FEM1B: variants seen among roughly 807,000 people sequenced by gnomAD.
FEM1B encodes the protein fem-1 homolog B, also known as protein fem-1 homolog B.
A neutral mutation model predicts 38.6 loss-of-function variants in FEM1B; 10 were observed. The observed-to-expected ratio is 0.26, with a 90% CI of 0.16 to 0.44. The LOEUF is 0.44. FEM1B is among the 20% of genes least tolerant of loss of function. The pLI is 1.00. For synonymous variants in FEM1B, 288 were observed against 288.0 expected (o/e 1.00, Z 0.00); for missense variants, 471 against 786.7 (o/e 0.60, Z 4.80).
Position 68,278,314 on chromosome 15 carries a change from G to A in FEM1B, c.-104G>A. The stretch of plus-strand genomic sequence containing the variant: ...CGGCGGCGACGGCGCCCTGTTGAAT[G>A]GGCTGTGAGGGCCCAGGTTTAAAGC... On this transcript the variant is annotated 5_prime_UTR_variant, in exon 1 of 2. An upstream start codon of the reference 5' UTR is lost. Transcript: ENST00000306917. The surrounding 1 kb of genome is among the most constrained non-coding windows in gnomAD (Gnocchi z 5.7). The A allele has an allele frequency of 2.1e-6, 3 of 1,428,486 alleles. No individual in the cohort carries two copies. Among genetic ancestry groups the A allele is most frequent in the Non-Finnish European group, 2.8e-6 (3 of 1,071,384 alleles). 88.5% of individuals were successfully genotyped at this position (1,428,486 alleles called of 1,614,324 possible). A position where few individuals can be genotyped will look rare whatever the true frequency, so the allele number is the denominator to read the frequency against.
At chr15:68,287,776 G>A (rs1014483110) in intron 1 of FEM1B, among the ~76,000 whole-genome samples, 6 of 151,206 alleles carry the variant, frequency 4.0e-5, no homozygotes, top group African/African-American at 1.5e-4. Context: ...GGAATCCTGT[G>A]TCCTCACATG....
chr15:68,284,010 C>T lies in FEM1B; in HGVS notation c.248+5345C>T, dbSNP rs546071077. ...AAGCAATTCTTCTGCCTCAGCCTCC[C>T]GAGTAGCTGGGATTACAGACATGCG... On this transcript the variant is annotated intron_variant, in intron 1 of 1. Transcript: ENST00000306917. This position sits in a 1 kb window ranked among gnomAD's most constrained non-coding sequence, Gnocchi z 4.4. 2.0e-5 allele frequency among the ~76,000 whole-genome samples: 3 copies of T among 151,794 alleles called. No individual in the cohort carries two copies. Among genetic ancestry groups the T allele is most frequent in the Admixed American group, 6.6e-5 (1 of 15,240 alleles).
Position 68,291,029 on chromosome 15 carries a change from T to C in FEM1B, c.1671T>C (p.Ile557=), listed in dbSNP as rs1311891253. 4.3e-6 allele frequency: 7 copies of C among 1,613,952 alleles called. No individual in the cohort carries two copies. The highest frequency in any genetic ancestry group is 3.3e-5 in the South Asian group (3 of 91,088). Residue 557 remains isoleucine, a synonymous_variant, in exon 2 of 2, where the codon ATT becomes ATC. Coordinates refer to ENST00000306917, the MANE Select transcript of FEM1B (RefSeq NM_015322.5). The surrounding 1 kb of genome is among the most constrained non-coding windows in gnomAD (Gnocchi z 6.9). ...TTTTGACCTTGCACTCCATCATCAT[T>C]AGCCTAGTTGAAGCCGGAGCTCACA... ...SDFLTLHSII[I]SLVEAGAHTD... is the part of the protein sequence containing the mutation.
At position 68,278,342 on chromosome 15, in the gene FEM1B, T is replaced by G; in HGVS notation, c.-76T>G. 6.6e-7 allele frequency: 1 copy of G among 1,525,660 alleles called. No individual in the cohort carries two copies. The highest frequency in any genetic ancestry group is 8.8e-7 in the Non-Finnish European group (1 of 1,134,912). The allele number at this position is 1,525,660 out of a possible 1,614,324, so 94.5% of individuals were successfully genotyped here. On this transcript the variant is annotated 5_prime_UTR_variant, in exon 1 of 2. Transcript: ENST00000306917. This position sits in a 1 kb window ranked among gnomAD's most constrained non-coding sequence, Gnocchi z 5.7. ...CTGTGAGGGCCCAGGTTTAAAGCGC[T>G]GGCGAACGCGGCCTCCGGGGGCGCA...
At chr15:68,279,267 C>T (rs542152350) in intron 1 of FEM1B, among the ~76,000 whole-genome samples, 3 of 152,248 alleles carry the variant, frequency 2.0e-5, no homozygotes, top group Admixed American at 6.5e-5. Context: ...ATATTGGCTA[C>T]TAAGATGGCA....
chr15:68,278,378 A>C lies in FEM1B; in HGVS notation c.-40A>C, dbSNP rs1489008696. 1 of 1,588,602 alleles carries C rather than the reference A, an allele frequency of 6.3e-7. No individual in the cohort carries two copies. Among genetic ancestry groups the C allele is most frequent in the East Asian group, 2.3e-5 (1 of 43,976 alleles). ...GCCTCCGGGGGCGCACGGCAGCTGCAGCGGTGGCGACCAAACGGGTGTTGG... is the reference window on the plus strand; with the variant it reads ...GCCTCCGGGGGCGCACGGCAGCTGCCGCGGTGGCGACCAAACGGGTGTTGG... On this transcript the variant is annotated 5_prime_UTR_variant, in exon 1 of 2. Transcript: ENST00000306917. This position sits in a 1 kb window ranked among gnomAD's most constrained non-coding sequence, Gnocchi z 5.7.
Position 68,278,548 on chromosome 15 carries a change from G to A in FEM1B, c.131G>A (p.Gly44Glu). 1 of 1,614,112 alleles carries A rather than the reference G, an allele frequency of 6.2e-7. No individual in the cohort carries two copies. Among genetic ancestry groups the A allele is most frequent in the Non-Finnish European group, 8.5e-7 (1 of 1,180,036 alleles). ...YLLGYVSQQG[G>E]QRSTPLIIAA... ...CTTGGCTATGTCAGCCAGCAGGGAGGGCAGCGCTCCACGCCCCTCATCATC... is the reference window on the plus strand; with the variant it reads ...CTTGGCTATGTCAGCCAGCAGGGAGAGCAGCGCTCCACGCCCCTCATCATC... The change falls in exon 1 of 2, where the codon GGG (glycine) becomes GAG (glutamate). Residue 44 changes from glycine to glutamate, a missense_variant. Gly to Glu is a moderately conservative substitution (Grantham distance 98). Coordinates refer to ENST00000306917, the MANE Select transcript of FEM1B (RefSeq NM_015322.5). This position sits in a 1 kb window ranked among gnomAD's most constrained non-coding sequence, Gnocchi z 5.7.
chr15:68,279,534 C>A (rs771506572), intron 1 of FEM1B, among the ~76,000 whole-genome samples: 13 of 152,124 alleles, frequency 8.5e-5, no homozygotes, highest in Admixed American at 7.2e-4. Context: ...AACGATTTTG[C>A]TACATATGTT....
chr15:68,291,422 CTT>C lies in FEM1B; in HGVS notation c.*182_*183del, dbSNP rs562759354. 5.6e-4 allele frequency: 305 copies of C among 543,628 alleles called. No individual in the cohort carries two copies. The highest frequency in any genetic ancestry group is 5.3e-3 in the African/African-American group (277 of 52,338). The allele number at this position is 543,628 out of a possible 1,614,324, so 33.7% of individuals were successfully genotyped here. A position where few individuals can be genotyped will look rare whatever the true frequency, so the allele number is the denominator to read the frequency against. On this transcript the variant is annotated 3_prime_UTR_variant, in exon 2 of 2. Coordinates refer to ENST00000306917, the MANE Select transcript of FEM1B (RefSeq NM_015322.5). This position sits in a 1 kb window ranked among gnomAD's most constrained non-coding sequence, Gnocchi z 6.9. The stretch of plus-strand genomic sequence containing the variant: ...CTCATGGTAATTGATTTCAGACAGA[CTT>C]TAACAAAACCACATTGTTTTGGTGT...
In FEM1B at chr15:68,288,789, T is replaced by C. The variant is rs1285010622; in HGVS notation, c.249-818T>C. Among the ~76,000 whole-genome samples the C allele has an allele frequency of 6.6e-6, 1 of 152,184 alleles. No homozygotes were observed. The highest frequency in any genetic ancestry group is 2.1e-4 in the South Asian group (1 of 4,828). On this transcript the variant is annotated intron_variant, in intron 1 of 1. Transcript: ENST00000306917. The surrounding 1 kb of genome is among the most constrained non-coding windows in gnomAD (Gnocchi z 4.6). ...CAGTATATGCACACACATATACATA[T>C]ACATTTTAAAACTTTTAAATTGGAG...
chr15:68,288,129 C>G lies in FEM1B; in HGVS notation c.249-1478C>G, dbSNP rs954831287. 2.6e-5 allele frequency among the ~76,000 whole-genome samples: 4 copies of G among 152,210 alleles called. No individual in the cohort carries two copies. In the South Asian group the frequency reaches 8.3e-4, roughly 31 times the overall value. On this transcript the variant is annotated intron_variant, in intron 1 of 1. Transcript: ENST00000306917. The surrounding 1 kb of genome is among the most constrained non-coding windows in gnomAD (Gnocchi z 4.6). ...ATAGGCGTGAGCCACCATGCCAGGC[C>G]TAACGCCTCTTGTGTGTGGTCCTTA...
chr15:68,282,481 T>C (rs1892739192), intron 1 of FEM1B, among the ~76,000 whole-genome samples: 1 of 152,262 alleles, frequency 6.6e-6, no homozygotes, highest in Non-Finnish European at 1.5e-5. Flanking sequence ...TTTCAAATGC[T>C]TGAACCAGGC....
Position 68,295,227 on chromosome 15 carries a change from G to C in FEM1B, c.*3985G>C, listed in dbSNP as rs1025074087. ...AGTGTATCTTGATGTGTGTATAGGG[G>C]TAAGTATTGCTAAATTATTTACAGC... On this transcript the variant is annotated 3_prime_UTR_variant, in exon 2 of 2. Transcript: ENST00000306917. The C allele has an allele frequency of 6.6e-6, 1 of 152,108 alleles. No individual in the cohort carries two copies. The highest frequency in any genetic ancestry group is 6.6e-5 in the Admixed American group (1 of 15,256). 9.4% of individuals were successfully genotyped at this position (152,108 alleles called of 1,614,324 possible).
intron 1 of FEM1B, among the ~76,000 whole-genome samples, chr15:68,285,841 G>A (rs570361646): frequency 5.3e-5 from 8 of 151,358 alleles, no homozygotes; most frequent in African/African-American, 1.7e-4. Context: ...CCACTTAATC[G>A]CTTTGTTTAT....
Position 68,280,710 on chromosome 15 carries a change from T to C in FEM1B, c.248+2045T>C, listed in dbSNP as rs1329162517. Among the ~76,000 whole-genome samples the C allele has an allele frequency of 1.3e-5, 2 of 152,220 alleles. No homozygotes were observed. Among genetic ancestry groups the C allele is most frequent in the African/African-American group, 4.8e-5 (2 of 41,462 alleles). ...GAGATTGTGGGAGACTGGAGAGAGC[T>C]GGAGCCCAGATTTTGGTGATCCCTG... is the stretch of plus-strand genomic sequence containing the variant. On this transcript the variant is annotated intron_variant, in intron 1 of 1. Transcript: ENST00000306917. The surrounding 1 kb of genome is among the most constrained non-coding windows in gnomAD (Gnocchi z 4.2).
chr15:68,295,550 C>G lies in FEM1B; in HGVS notation c.*4308C>G, dbSNP rs138661188. The G allele has an allele frequency of 6.6e-6, 1 of 152,266 alleles. No homozygotes were observed. Among genetic ancestry groups the G allele is most frequent in the South Asian group, 2.1e-4 (1 of 4,820 alleles). 9.4% of individuals were successfully genotyped at this position (152,266 alleles called of 1,614,324 possible). On this transcript the variant is annotated 3_prime_UTR_variant, in exon 2 of 2. Coordinates refer to ENST00000306917, the MANE Select transcript of FEM1B (RefSeq NM_015322.5). Reference sequence around the variant, plus strand: ...CTTTTCACCCCATCCTGCAATCCTCCGTGCAGAGGAACTACACTGTTGTAT... The same window carrying G: ...CTTTTCACCCCATCCTGCAATCCTCGGTGCAGAGGAACTACACTGTTGTAT...
chr15:68,294,616 A>T lies in FEM1B; in HGVS notation c.*3374A>T, dbSNP rs563709753. 1.3e-3 allele frequency: 194 copies of T among 149,434 alleles called. 1 individual carries two copies. The highest frequency in any genetic ancestry group is 4.5e-3 in the African/African-American group (183 of 40,502). The allele number at this position is 149,434 out of a possible 1,614,324, so 9.3% of individuals were successfully genotyped here. On this transcript the variant is annotated 3_prime_UTR_variant, in exon 2 of 2. Coordinates refer to ENST00000306917, the MANE Select transcript of FEM1B (RefSeq NM_015322.5). This position sits in a 1 kb window ranked among gnomAD's most constrained non-coding sequence, Gnocchi z 4.4. ...TTTTTTTTTTTTGGAATGGGGTGGGATGAGGAGTGAGTTGCCAGACCTTTG... is the reference window on the plus strand; with the variant it reads ...TTTTTTTTTTTTGGAATGGGGTGGGTTGAGGAGTGAGTTGCCAGACCTTTG...
rs546071077 is a variant in FEM1B, at chr15:68,284,010, C to G, written c.248+5345C>G. 2.6e-5 allele frequency among the ~76,000 whole-genome samples: 4 copies of G among 151,906 alleles called. No homozygotes were observed. In the South Asian group the frequency reaches 8.3e-4, roughly 32 times the overall value. On this transcript the variant is annotated intron_variant, in intron 1 of 1. Transcript: ENST00000306917. This position sits in a 1 kb window ranked among gnomAD's most constrained non-coding sequence, Gnocchi z 4.4. ...AAGCAATTCTTCTGCCTCAGCCTCC[C>G]GAGTAGCTGGGATTACAGACATGCG...
Position 68,287,833 on chromosome 15 carries a change from T to G in FEM1B, c.249-1774T>G, listed in dbSNP as rs1002045007. On this transcript the variant is annotated intron_variant, in intron 1 of 1. Coordinates refer to ENST00000306917, the MANE Select transcript of FEM1B (RefSeq NM_015322.5). Reference sequence around the variant, plus strand: ...CAGCGGAACGTTGCTAACGTCTCTTTTTTTTTTTTTTTTTTTTTTGAGATG... The same window carrying G: ...CAGCGGAACGTTGCTAACGTCTCTTGTTTTTTTTTTTTTTTTTTTGAGATG... 1.6e-4 allele frequency among the ~76,000 whole-genome samples: 24 copies of G among 145,672 alleles called. No individual in the cohort carries two copies. The East Asian group carries it at 3.9e-3, about 24-fold the overall frequency.
Sources: gnomAD v4.1 joint callset for allele counts (sites outside exome capture counted in the v4.1 genomes callset) on GRCh38, gnomAD v4.1.1 for gene constraint, Gnocchi (gnomAD v3.1) non-coding constraint, MANE v1.5 for transcripts, NCBI Gene and HGNC (gene_info 2026-07-23, HGNC 2026-07-21) for gene names.